AGAP1: variants seen among roughly 807,000 people sequenced by gnomAD.
The protein encoded by AGAP1 is arf-GAP with GTPase, ANK repeat and PH domain-containing protein 1.
A neutral mutation model predicts 105.3 loss-of-function variants in AGAP1; 29 were observed. That is an observed-to-expected ratio of 0.28 (90% CI 0.21 to 0.38). The LOEUF (loss-of-function observed/expected upper bound fraction) is 0.38, where lower values mean the gene tolerates loss of function less well. AGAP1 is among the 10% of genes least tolerant of loss of function. The pLI is 1.00. For missense variants in AGAP1, 998 were observed against 1,165.1 expected (o/e 0.86, Z 2.09); for synonymous variants, 509 against 485.9 (o/e 1.05, Z -0.63).
intron 11 of AGAP1, among the ~76,000 whole-genome samples, chr2:235,921,451 T>A (rs10184261): frequency 0.67 from 101,710 of 152,124 alleles, 34,458 homozygotes; most frequent in East Asian, 0.92. Flanking sequence ...TTGCCAAGTA[T>A]ATTTTAACAG....
At chr2:235,881,306 G>A (rs2050013227) in intron 9 of AGAP1, among the ~76,000 whole-genome samples, 1 of 152,132 alleles carries the variant, frequency 6.6e-6, no homozygotes, top group Non-Finnish European at 1.5e-5. Context: ...GAATTTAGGA[G>A]GTCGATGGAG....
At position 235,723,170 on chromosome 2, in the gene AGAP1, C is replaced by T. The variant is rs778640014; in HGVS notation, c.310+5526C>T. ...CCTCTGAGGACAATTTCACAGCTGC[C>T]GTTCACTTCCTATAAAGAGAATGAG... On this transcript the variant is annotated intron_variant, in intron 3 of 17. Coordinates refer to ENST00000304032, the MANE Select transcript of AGAP1 (RefSeq NM_001037131.3). The surrounding 1 kb of genome is among the most constrained non-coding windows in gnomAD (Gnocchi z 6.2). Among the ~76,000 whole-genome samples, 4 of 152,134 alleles carry T rather than the reference C, an allele frequency of 2.6e-5. No individual in the cohort carries two copies. The highest frequency in any genetic ancestry group is 1.9e-4 in the East Asian group (1 of 5,176).
rs1013327906 is a variant in AGAP1, at chr2:236,088,183, T to A, written c.2115-32009T>A. Among the ~76,000 whole-genome samples the A allele has an allele frequency of 2.0e-5, 3 of 152,236 alleles. 1 individual carries two copies. The highest frequency in any genetic ancestry group is 3.8e-4 in the East Asian group (2 of 5,196). Reference sequence around the variant, plus strand: ...CGTCTCTGGGTCCCCAGCCTTATCATGTGTCTGAGTGTCCTCAGACAGTGG... The same window carrying A: ...CGTCTCTGGGTCCCCAGCCTTATCAAGTGTCTGAGTGTCCTCAGACAGTGG... On this transcript the variant is annotated intron_variant, in intron 16 of 17. Coordinates refer to ENST00000304032, the MANE Select transcript of AGAP1 (RefSeq NM_001037131.3).
chr2:236,077,210 T>C lies in AGAP1; in HGVS notation c.2114+27929T>C, dbSNP rs182451270. On this transcript the variant is annotated intron_variant, in intron 16 of 17. Transcript: ENST00000304032. ...ATCAGTTAATGTTTGACATATTACA[T>C]GTAGTCTTCCTCTGCAACATTTGTG... Among the ~76,000 whole-genome samples, 812 of 150,650 alleles carry C rather than the reference T, an allele frequency of 5.4e-3. 6 individuals are homozygous for C. Among genetic ancestry groups the C allele is most frequent in the African/African-American group, 0.019 (778 of 41,078 alleles).
rs570655046 is a variant in AGAP1 at position 235,739,046 on chromosome 2, C to T, written c.311-1917C>T. ...CTTTTATTAAAGCAGGTTAAAAGAA[C>T]CTTGGCAGAAATTTCAAATAAGACT... On this transcript the variant is annotated intron_variant, in intron 3 of 17. Transcript: ENST00000304032. The surrounding 1 kb of genome is among the most constrained non-coding windows in gnomAD (Gnocchi z 5.3). Among the ~76,000 whole-genome samples the T allele has an allele frequency of 6.6e-6, 1 of 152,270 alleles. No individual in the cohort carries two copies.
chr2:236,081,666 G>A (rs1259493235), intron 16 of AGAP1, among the ~76,000 whole-genome samples: 1 of 133,674 alleles, frequency 7.5e-6, no homozygotes, highest in African/African-American at 2.8e-5. Flanking sequence ...AAAGTTCTGT[G>A]GGTTTTTTTT....
rs78146099 is a variant in AGAP1 at position 235,765,685 on chromosome 2, C to T, written c.673+15197C>T. ...GGAGGGGCTGTGACTCATCCCCAGC[C>T]AACTGTATTCCAAGCACAGCCATAG... is the stretch of plus-strand genomic sequence containing the variant. On this transcript the variant is annotated intron_variant, in intron 6 of 17. Transcript: ENST00000304032. Among the ~76,000 whole-genome samples, 609 of 152,276 alleles carry T rather than the reference C, an allele frequency of 4.0e-3. 8 individuals carry two copies. Among genetic ancestry groups the T allele is most frequent in the East Asian group, 0.036 (188 of 5,166 alleles).
intron 16 of AGAP1, among the ~76,000 whole-genome samples, chr2:236,064,146 C>G (rs2058283311): frequency 6.6e-6 from 1 of 152,156 alleles, no homozygotes; most frequent in Admixed American, 6.5e-5. Flanking sequence ...ATAATTAACC[C>G]AGTGACTTGG....
In AGAP1 at chr2:236,009,534, A is replaced by G. The variant is rs1036564088; in HGVS notation, c.1646-27027A>G. On this transcript the variant is annotated intron_variant, in intron 13 of 17. Coordinates refer to ENST00000304032, the MANE Select transcript of AGAP1 (RefSeq NM_001037131.3). The surrounding 1 kb of genome is among the most constrained non-coding windows in gnomAD (Gnocchi z 4.2). ...AATACATGTCTGATGTGGACAGAGTAGTGCTGTCTGACAAGGTGATCATTT... is the reference window on the plus strand; with the variant it reads ...AATACATGTCTGATGTGGACAGAGTGGTGCTGTCTGACAAGGTGATCATTT... Among the ~76,000 whole-genome samples the G allele has an allele frequency of 5.3e-5, 8 of 152,242 alleles. No individual in the cohort carries two copies. Among genetic ancestry groups the G allele is most frequent in the Non-Finnish European group, 1.0e-4 (7 of 68,034 alleles).
rs1444908082 is a variant in AGAP1, at chr2:235,550,095, G to A, written c.163+55246G>A. Among the ~76,000 whole-genome samples, 1 of 152,206 alleles carries A rather than the reference G, an allele frequency of 6.6e-6. No homozygotes were observed. The highest frequency in any genetic ancestry group is 1.5e-5 in the Non-Finnish European group (1 of 68,044). ...GTAGGGTTGCTGCTTCAGAGATCAA[G>A]TGGCATGTCCACATCTGGAGTAGAC... On this transcript the variant is annotated intron_variant, in intron 1 of 17. Transcript: ENST00000304032. The surrounding 1 kb of genome is among the most constrained non-coding windows in gnomAD (Gnocchi z 4.6).
intron 1 of AGAP1, chr2:235,507,454 G>A (rs1941872165): frequency 6.6e-6 from 1 of 152,306 alleles, no homozygotes. Flanking sequence ...GTTGCCTGCA[G>A]GCATCTCTGA....
In AGAP1 at chr2:235,690,076, G is replaced by A. The variant is rs1035513340; in HGVS notation, c.164-19103G>A. Among the ~76,000 whole-genome samples, 2 of 152,116 alleles carry A rather than the reference G, an allele frequency of 1.3e-5. No homozygotes were observed. Among genetic ancestry groups the A allele is most frequent in the African/African-American group, 4.8e-5 (2 of 41,422 alleles). ...AAGCCCCTGGGTGTCTCTCCCTCGG[G>A]GTTTTCATGCAGTATTGACACTCTC... On this transcript the variant is annotated intron_variant, in intron 1 of 17. Coordinates refer to ENST00000304032, the MANE Select transcript of AGAP1 (RefSeq NM_001037131.3). The surrounding 1 kb of genome is among the most constrained non-coding windows in gnomAD (Gnocchi z 4.1).
At position 235,612,795 on chromosome 2, in the gene AGAP1, C is replaced by G. The variant is rs1038779360; in HGVS notation, c.164-96384C>G. On this transcript the variant is annotated intron_variant, in intron 1 of 17. Coordinates refer to ENST00000304032, the MANE Select transcript of AGAP1 (RefSeq NM_001037131.3). The surrounding 1 kb of genome is among the most constrained non-coding windows in gnomAD (Gnocchi z 4.3). The stretch of plus-strand genomic sequence containing the variant: ...TGGCACCTGCTTCCAGGTTGGCCTG[C>G]CAGCCGATGTTGTGATCTTGTGGAG... 1.3e-5 allele frequency among the ~76,000 whole-genome samples: 2 copies of G among 152,136 alleles called. No individual in the cohort carries two copies. The highest frequency in any genetic ancestry group is 2.4e-5 in the African/African-American group (1 of 41,434).
At chr2:235,948,467 G>A (rs1559682762) in intron 12 of AGAP1, among the ~76,000 whole-genome samples, 1 of 152,150 alleles carries the variant, frequency 6.6e-6, no homozygotes, top group African/African-American at 2.4e-5. Flanking sequence ...CATTATAGAC[G>A]TGAGCCACTG....
In AGAP1 at chr2:236,053,037, C is replaced by T. The variant is rs140901793; in HGVS notation, c.2114+3756C>T. ...GTGTAGGACAGGACTTCGTAACACC[C>T]GGCTTGTGCGTGTGTGCGGTACCAT... On this transcript the variant is annotated intron_variant, in intron 16 of 17. Coordinates refer to ENST00000304032, the MANE Select transcript of AGAP1 (RefSeq NM_001037131.3). This position sits in a 1 kb window ranked among gnomAD's most constrained non-coding sequence, Gnocchi z 4.6. Among the ~76,000 whole-genome samples the T allele has an allele frequency of 1.3e-5, 2 of 152,268 alleles. No homozygotes were observed. The highest frequency in any genetic ancestry group is 3.9e-4 in the East Asian group (2 of 5,168).
At position 236,087,528 on chromosome 2, in the gene AGAP1, T is replaced by C. The variant is rs1040332573; in HGVS notation, c.2115-32664T>C. 6.6e-6 allele frequency among the ~76,000 whole-genome samples: 1 copy of C among 152,194 alleles called. No homozygotes were observed. Among genetic ancestry groups the C allele is most frequent in the Non-Finnish European group, 1.5e-5 (1 of 68,040 alleles). ...AAATGGCAAATGCGGTGTAGGACTG[T>C]GGTGCACACTGCCCATGACGGGCTA... On this transcript the variant is annotated intron_variant, in intron 16 of 17. Transcript: ENST00000304032. The surrounding 1 kb of genome is among the most constrained non-coding windows in gnomAD (Gnocchi z 5.7).
Position 235,744,573 on chromosome 2 carries a change from A to C in AGAP1, c.397-125A>C. ...GTGTAAAAGTGACAGTCAAAAGTCA[A>C]GCACCCAGTGTGTGACCGAGGGGAT... is the stretch of plus-strand genomic sequence containing the variant. On this transcript the variant is annotated intron_variant, in intron 4 of 17. Coordinates refer to ENST00000304032, the MANE Select transcript of AGAP1 (RefSeq NM_001037131.3). This position sits in a 1 kb window ranked among gnomAD's most constrained non-coding sequence, Gnocchi z 5.2. The C allele has an allele frequency of 2.5e-6, 3 of 1,178,700 alleles. No individual in the cohort carries two copies. Among genetic ancestry groups the C allele is most frequent in the Non-Finnish European group, 3.7e-6 (3 of 812,288 alleles). The allele number at this position is 1,178,700 out of a possible 1,614,324, so 73.0% of individuals were successfully genotyped here. A position where few individuals can be genotyped will look rare whatever the true frequency, so the allele number is the denominator to read the frequency against.
Position 236,002,135 on chromosome 2 carries a change from G to C in AGAP1, c.1645+33512G>C, listed in dbSNP as rs1250660573. Among the ~76,000 whole-genome samples the C allele has an allele frequency of 6.6e-6, 1 of 152,160 alleles. No homozygotes were observed. The highest frequency in any genetic ancestry group is 6.5e-5 in the Admixed American group (1 of 15,276). The stretch of plus-strand genomic sequence containing the variant: ...CATGCCAGGAAGAGCTGGCTTCCCC[G>C]CACAAGCAGTGCTACCAAGGGTCCA... On this transcript the variant is annotated intron_variant, in intron 13 of 17. Transcript: ENST00000304032. This position sits in a 1 kb window ranked among gnomAD's most constrained non-coding sequence, Gnocchi z 4.3.
intron 1 of AGAP1, among the ~76,000 whole-genome samples, chr2:235,572,984 T>A (rs1234954833): frequency 3.9e-5 from 1 of 25,602 alleles, no homozygotes; most frequent in East Asian, 1.5e-3. Context: ...TTTTTCTTCT[T>A]CTTCTTCTTC....
Sources: allele counts gnomAD v4.1 joint callset (sites outside exome capture counted in the v4.1 genomes callset), GRCh38; gene constraint gnomAD v4.1.1; non-coding constraint Gnocchi (gnomAD v3.1); transcripts MANE v1.5; gene names NCBI Gene and HGNC (gene_info 2026-07-23, HGNC 2026-07-21).